The following ANO5 variants were observed in gnomAD, a reference collection of about 807,000 sequenced individuals.
The protein encoded by ANO5 is anoctamin 5.
In ANO5, 109 loss-of-function variants were observed where a neutral mutation model predicts 121.0. The observed-to-expected ratio is 0.90, with a 90% confidence interval of 0.77 to 1.06. The LOEUF (loss-of-function observed/expected upper bound fraction) is 1.06, where lower values mean the gene tolerates loss of function less well. Ranked by LOEUF, ANO5 falls within the 50% of genes least tolerant of loss-of-function variation. ANO5 has a pLI of 0.00. For synonymous variants in ANO5, 406 were observed against 359.9 expected (o/e 1.13, Z -1.45); for missense variants, 1,064 against 1,078.5 (o/e 0.99, Z 0.19).
intron 1 of ANO5, among the ~76,000 whole-genome samples, chr11:22,194,560 A>G (rs764949721): frequency 6.6e-6 from 1 of 152,172 alleles, no homozygotes; most frequent in African/African-American, 2.4e-5. Context: ...ATTTTAGAAC[A>G]CTTTCATCAC....
intron 7 of ANO5, 141 bp from the exon 8 acceptor site, chr11:22,236,022 C>A: frequency 1.5e-6 from 1 of 663,818 alleles, no homozygotes; most frequent in African/African-American, 1.8e-5. Flanking sequence ...CTACATCTTC[C>A]TGACAACCAA....
intron 17 of ANO5, among the ~76,000 whole-genome samples, chr11:22,264,024 CTT>C (rs71034583): frequency 5.5e-5 from 7 of 128,092 alleles, no homozygotes; most frequent in Admixed American, 8.1e-5. Flanking sequence ...ATAGCCAAAC[CTT>C]TTTTTTTTTT....
intron 14 of ANO5, among the ~76,000 whole-genome samples, chr11:22,259,029 A>T (rs1027412283): frequency 6.6e-6 from 1 of 151,438 alleles, no homozygotes; most frequent in South Asian, 2.1e-4. Flanking sequence ...TCTACTAAGG[A>T]GGCTGAGGCA....
intron 3 of ANO5, 23 bp from the exon 4 acceptor site, chr11:22,218,223 A>AT: frequency 6.2e-7 from 1 of 1,612,870 alleles, no homozygotes; most frequent in Non-Finnish European, 8.5e-7. Flanking sequence ...GGAAGTGCTA[A>AT]TTCTTTATTG....
chr11:22,195,639 C>T (rs545309148), intron 1 of ANO5, among the ~76,000 whole-genome samples: 9 of 152,130 alleles, frequency 5.9e-5, no homozygotes, highest in African/African-American at 2.2e-4. Context: ...ACCCTGTTGC[C>T]CAAGTTGGTC....
chr11:22,263,218 T>C (rs375869831), intron 17 of ANO5, among the ~76,000 whole-genome samples, 175 bp downstream of exon 17: 10 of 152,230 alleles, frequency 6.6e-5, no homozygotes, highest in African/African-American at 1.9e-4. Context: ...TAAACTCTTA[T>C]TTTTATTTAT....
rs1184934608 is a variant in ANO5 at position 22,227,259 on chromosome 11, T to C, written c.364-43T>C. 1.9e-6 allele frequency: 3 copies of C among 1,607,444 alleles called. No homozygotes were observed. The East Asian group carries it at 6.7e-5, about 36-fold the overall frequency. ...TTATTTAATCAGCTCAATAACAAAC[T>C]GATCAGTAAGCTTTCTGCTGTTTTG... On this transcript the variant is annotated intron_variant, in intron 6 of 21. Transcript: ENST00000324559.
chr11:22,198,597 G>C (rs1339684044), intron 1 of ANO5, among the ~76,000 whole-genome samples: 2 of 152,022 alleles, frequency 1.3e-5, no homozygotes, highest in African/African-American at 4.8e-5. Context: ...GGAAAAAGAG[G>C]GGCTAGTGTT....
At chr11:22,193,659 T>TCG (rs892806709) in intron 1 of ANO5, 127 bp downstream of exon 1, 26 of 1,239,070 alleles carry the variant, frequency 2.1e-5, no homozygotes, top group Non-Finnish European at 2.8e-5. Context: ...GTTCGCTGCG[T>TCG]GGCGTGCTCA....
At chr11:22,276,295 A>G (rs1466511019) in intron 21 of ANO5, 96 bp downstream of exon 21, 1 of 980,952 alleles carries the variant, frequency 1.0e-6, no homozygotes, top group Non-Finnish European at 1.6e-6. Context: ...GCAATATCTC[A>G]GTAAACTGTC....
intron 17 of ANO5, among the ~76,000 whole-genome samples, chr11:22,267,979 G>C (rs1590316616): frequency 1.3e-5 from 2 of 152,254 alleles, no homozygotes; most frequent in South Asian, 4.1e-4. Flanking sequence ...CATGGTGTAT[G>C]TGTACCACAT....
In ANO5 at chr11:22,235,239, C is replaced by T. The variant is rs527752323; in HGVS notation, c.649-924C>T. Among the ~76,000 whole-genome samples the T allele has an allele frequency of 2.6e-5, 4 of 151,926 alleles. No individual in the cohort carries two copies. The South Asian group carries it at 6.2e-4, about 24-fold the overall frequency. ...ATACCTGGTAGTGTAAATATTTCCA[C>T]TTTGTTAACATCCCAAGAGAGAGTT... On this transcript the variant is annotated intron_variant, in intron 7 of 21. Coordinates refer to ENST00000324559, the MANE Select transcript of ANO5 (RefSeq NM_213599.3).
chr11:22,198,767 G>A (rs543686491), intron 1 of ANO5, among the ~76,000 whole-genome samples: 1 of 152,022 alleles, frequency 6.6e-6, no homozygotes, highest in Admixed American at 6.6e-5. Context: ...TTAAAAAAAA[G>A]CCTCTCTAAG....
Position 22,250,308 on chromosome 11 carries a change from C to A in ANO5, c.950C>A (p.Ala317Glu), listed in dbSNP as rs757146037. The change falls in exon 10 of 22, where the codon GCA (alanine) becomes GAA (glutamate). Residue 317 changes from alanine (A) to glutamate (E), a missense_variant. Transcript: ENST00000324559. The part of the protein sequence containing the change: ...LGFYTEMLFF[A>E]AVVGLACFIY... Reference sequence around the variant, plus strand: ...TTTTACACAGAAATGCTATTCTTTGCAGCTGTAGTTGGCTTAGCTTGTTTT... The same window carrying A: ...TTTTACACAGAAATGCTATTCTTTGAAGCTGTAGTTGGCTTAGCTTGTTTT... The A allele has an allele frequency of 4.3e-6, 7 of 1,612,426 alleles. No homozygotes were observed. The Admixed American group carries it at 1.2e-4, about 27-fold the overall frequency.
intron 9 of ANO5, among the ~76,000 whole-genome samples, chr11:22,246,047 C>T (rs1853604536): frequency 3.3e-5 from 5 of 152,128 alleles, no homozygotes; most frequent in Admixed American, 3.3e-4. Flanking sequence ...TTGCCCTGCG[C>T]AGCCTATTTC....
chr11:22,192,666 A>T (rs78453688), upstream of ANO5, among the ~76,000 whole-genome samples: 4,988 of 152,322 alleles, frequency 0.033, 274 homozygotes, highest in African/African-American at 0.11. Flanking sequence ...GACCCGGCCA[A>T]CCGGCTGAGG....
At position 22,270,347 on chromosome 11, in the gene ANO5, G is replaced by A. The variant is rs762414395; in HGVS notation, c.1934G>A (p.Arg645Gln). ...ALNWWRRRKA[R>Q]TNSEKLYSRW... Reference sequence around the variant, plus strand: ...AATTGGTGGAGACGCCGAAAAGCTCGGACAAACTCTGAGAAGCTGTATAGT... The same window carrying A: ...AATTGGTGGAGACGCCGAAAAGCTCAGACAAACTCTGAGAAGCTGTATAGT... Residue 645 changes from arginine to glutamine, a missense_variant, in exon 18 of 22, where the codon CGG becomes CAG. Arg to Gln is a conservative substitution (Grantham distance 43). Coordinates refer to ENST00000324559, the MANE Select transcript of ANO5 (RefSeq NM_213599.3). 20 of 1,613,922 alleles carry A rather than the reference G, an allele frequency of 1.2e-5. No homozygotes were observed. Among genetic ancestry groups the A allele is most frequent in the African/African-American group, 2.7e-5 (2 of 74,872 alleles).
rs774499907 is a variant in ANO5 at position 22,250,938 on chromosome 11, G to T, written c.1120-13G>T. On this transcript the variant is annotated splice_polypyrimidine_tract_variant and intron_variant, in intron 11 of 21. Coordinates refer to ENST00000324559, the MANE Select transcript of ANO5 (RefSeq NM_213599.3). ...AAATTATCTTTGTGATATTGTTATT[G>T]TTATTTTTACAGTTCTCCCATTTGT... The T allele has an allele frequency of 6.2e-7, 1 of 1,611,628 alleles. No individual in the cohort carries two copies. Among genetic ancestry groups the T allele is most frequent in the Admixed American group, 1.7e-5 (1 of 59,954 alleles).
chr11:22,200,082 A>G (rs1348530999), intron 1 of ANO5, among the ~76,000 whole-genome samples: 2 of 152,168 alleles, frequency 1.3e-5, no homozygotes, highest in African/African-American at 2.4e-5. Context: ...AAATGCTGAC[A>G]TATTTCATTT....
Sources: gnomAD v4.1 joint callset for allele counts (sites outside exome capture counted in the v4.1 genomes callset) on GRCh38, gnomAD v4.1.1 for gene constraint, MANE v1.5 for transcripts, NCBI Gene and HGNC (gene_info 2026-07-23, HGNC 2026-07-21) for gene names.